The following USP32 variants were observed in gnomAD, a reference collection of about 807,000 sequenced individuals.
The protein encoded by USP32 is ubiquitin carboxyl-terminal hydrolase 32.
USP32 carries 59 observed loss-of-function variants against 204.8 expected under a neutral mutation model. That is an observed-to-expected ratio of 0.29 (90% CI 0.23 to 0.36). The LOEUF is 0.36. Among genes scored for constraint, USP32 ranks in the 10% least tolerant of loss-of-function variants. The pLI is 1.00. For missense variants in USP32, 1,160 were observed against 1,946.4 expected (o/e 0.60, Z 7.60); for synonymous variants, 517 against 678.4 (o/e 0.76, Z 3.70).
At chr17:60,347,355 T>G (rs954281662) in intron 1 of USP32, among the ~76,000 whole-genome samples, 1 of 150,138 alleles carries the variant, frequency 6.7e-6, no homozygotes, top group Non-Finnish European at 1.5e-5. Context: ...TGGCTCATTT[T>G]TTTTTTTTTT....
In USP32 at chr17:60,227,292, C is replaced by T. The variant is rs1365359108; in HGVS notation, c.1240-1061G>A. Among the ~76,000 whole-genome samples the T allele has an allele frequency of 1.7e-4, 24 of 138,864 alleles. No homozygotes were observed. In the East Asian group the frequency reaches 2.5e-3, roughly 14 times the overall value. 91.1% of individuals were successfully genotyped at this position (138,864 alleles called of 152,430 possible). On this transcript the variant is annotated intron_variant, in intron 12 of 33. Coordinates refer to ENST00000300896, the MANE Select transcript of USP32 (RefSeq NM_032582.4). ...TTTTCTTTTTTTTTTTTTTTTGAGA[C>T]GGAGTCTTACTCTGTCACCCAGGCT...
intron 2 of USP32, chr17:60,316,140 T>C (rs58053230): frequency 0.027 from 7,153 of 268,528 alleles, 555 homozygotes; most frequent in African/African-American, 0.15. Context: ...TCAACCACTC[T>C]GCTATCCATG....
intron 1 of USP32, among the ~76,000 whole-genome samples, chr17:60,350,579 G>A (rs1174726928): frequency 1.3e-5 from 2 of 152,216 alleles, no homozygotes; most frequent in Non-Finnish European, 2.9e-5. Context: ...ATGGGCCACC[G>A]TGCCCGGCCC....
chr17:60,300,791 G>C (rs2087555089), intron 3 of USP32, among the ~76,000 whole-genome samples: 1 of 152,098 alleles, frequency 6.6e-6, no homozygotes, highest in East Asian at 1.9e-4. Flanking sequence ...TGTAATTCCA[G>C]AACATTTTCG....
Position 60,301,583 on chromosome 17 carries a change from T to C in USP32, c.292+16A>G, listed in dbSNP as rs763647690. On this transcript the variant is annotated intron_variant, in intron 3 of 33. Coordinates refer to ENST00000300896, the MANE Select transcript of USP32 (RefSeq NM_032582.4). Reference sequence around the variant, plus strand: ...GTACATAGACGAATTATTTTTGAGATAATAAAAGTACTTACATTTTGCTTT... The same window carrying C: ...GTACATAGACGAATTATTTTTGAGACAATAAAAGTACTTACATTTTGCTTT... The C allele has an allele frequency of 1.4e-6, 2 of 1,475,760 alleles. No homozygotes were observed. The highest frequency in any genetic ancestry group is 1.2e-5 in the South Asian group (1 of 80,352). 91.4% of individuals were successfully genotyped at this position (1,475,760 alleles called of 1,614,324 possible).
intron 1 of USP32, among the ~76,000 whole-genome samples, chr17:60,362,369 C>A (rs1195080268): frequency 6.6e-6 from 1 of 152,168 alleles, no homozygotes; most frequent in Non-Finnish European, 1.5e-5. Context: ...TGGAGAAATA[C>A]GCAAGTTGGA....
At chr17:60,268,676 C>A (rs2086659499) in intron 7 of USP32, among the ~76,000 whole-genome samples, 2 of 145,492 alleles carry the variant, frequency 1.4e-5, no homozygotes, top group Non-Finnish European at 3.0e-5. Context: ...AGTGGTATAA[C>A]AACAGGGAAT....
intron 1 of USP32, among the ~76,000 whole-genome samples, chr17:60,407,219 A>C (rs150063131): frequency 1.5e-3 from 224 of 152,332 alleles, no homozygotes; most frequent in Non-Finnish European, 2.4e-3. Context: ...TCCAAAAAGG[A>C]AGAAGGTATG....
At chr17:60,194,295 C>T (rs924308350) in intron 27 of USP32, among the ~76,000 whole-genome samples, 4 of 152,194 alleles carry the variant, frequency 2.6e-5, no homozygotes, top group Non-Finnish European at 5.9e-5. Context: ...CCTCCTGCCT[C>T]AGCCTCCTAA....
intron 12 of USP32, among the ~76,000 whole-genome samples, chr17:60,235,409 T>A (rs1296503960): frequency 6.6e-6 from 1 of 152,184 alleles, no homozygotes; most frequent in Non-Finnish European, 1.5e-5. Flanking sequence ...GAAAACACAT[T>A]AATAAACTCT....
At chr17:60,413,363 T>C (rs1598324218) in intron 1 of USP32, among the ~76,000 whole-genome samples, 1 of 152,154 alleles carries the variant, frequency 6.6e-6, no homozygotes, top group Non-Finnish European at 1.5e-5. Flanking sequence ...TGGCAGCTCA[T>C]ACTTAAGACC....
chr17:60,204,177 GA>G (rs1428062984), intron 26 of USP32, among the ~76,000 whole-genome samples: 1 of 150,972 alleles, frequency 6.6e-6, no homozygotes, highest in Non-Finnish European at 1.5e-5. Flanking sequence ...TATCCTCTAA[GA>G]AAAAAAACAA....
intron 16 of USP32, among the ~76,000 whole-genome samples, chr17:60,216,698 CA>C (rs1185660146): frequency 6.6e-6 from 1 of 151,836 alleles, no homozygotes; most frequent in Non-Finnish European, 1.5e-5. Flanking sequence ...CTTGTCACTT[CA>C]AAAGGAATAA....
At chr17:60,210,643 T>C (rs1266985294) in intron 21 of USP32, among the ~76,000 whole-genome samples, 3 of 152,242 alleles carry the variant, frequency 2.0e-5, no homozygotes, top group Non-Finnish European at 4.4e-5. Context: ...CTATCTTAGT[T>C]ACGTTGAAAA....
intron 5 of USP32, among the ~76,000 whole-genome samples, chr17:60,279,416 T>G (rs2145817870): frequency 6.6e-6 from 1 of 151,434 alleles, no homozygotes; most frequent in East Asian, 1.9e-4. Flanking sequence ...GCCTGGGAGG[T>G]TGAGGCGGCA....
intron 1 of USP32, among the ~76,000 whole-genome samples, chr17:60,406,861 G>C (rs777488031): frequency 3.3e-5 from 5 of 152,002 alleles, no homozygotes; most frequent in Non-Finnish European, 7.3e-5. Flanking sequence ...TTGTAAGGTT[G>C]ATCAGTTGCT....
At chr17:60,218,963 C>T (rs1237378440) in intron 16 of USP32, among the ~76,000 whole-genome samples, 4 of 152,038 alleles carry the variant, frequency 2.6e-5, no homozygotes, top group African/African-American at 7.2e-5. Context: ...AAGTCTTGCC[C>T]GTCAATAAAG....
intron 13 of USP32, among the ~76,000 whole-genome samples, chr17:60,223,835 A>G (rs1330308976): frequency 6.6e-6 from 1 of 152,206 alleles, no homozygotes; most frequent in African/African-American, 2.4e-5. Flanking sequence ...AGAATATCTA[A>G]TAATTCATAA....
At chr17:60,283,450 CCTT>C (rs1476223180) in intron 5 of USP32, among the ~76,000 whole-genome samples, 1 of 152,056 alleles carries the variant, frequency 6.6e-6, no homozygotes, top group African/African-American at 2.4e-5. Flanking sequence ...AAAAAATTGT[CCTT>C]CATCCTTTCG....
Sources: gnomAD v4.1 joint callset for allele counts (sites outside exome capture counted in the v4.1 genomes callset) on GRCh38, gnomAD v4.1.1 for gene constraint, MANE v1.5 for transcripts, NCBI Gene and HGNC (gene_info 2026-07-23, HGNC 2026-07-21) for gene names.